Variants in CACNA1C observed in about 807,000 individuals in gnomAD.
CACNA1C encodes the protein calcium voltage-gated channel subunit alpha1 C.
Under a neutral mutation model 229.0 loss-of-function variants are expected in CACNA1C, and 30 were observed. The ratio of observed to expected loss-of-function variants is 0.13; its 90% confidence interval spans 0.10 to 0.18. The LOEUF (loss-of-function observed/expected upper bound fraction) is 0.18. Ranked by LOEUF, CACNA1C falls within the 10% of genes least tolerant of loss-of-function variation. CACNA1C has a pLI of 1.00. For synonymous variants in CACNA1C, 1,114 were observed against 1,132.5 expected (o/e 0.98, Z 0.33); for missense variants, 1,658 against 2,845.0 (o/e 0.58, Z 9.49).
At chr12:2,540,667 C>T (rs1043841440) in intron 9 of CACNA1C, among the ~76,000 whole-genome samples, 2 of 152,110 alleles carry the variant, frequency 1.3e-5, no homozygotes, top group African/African-American at 4.8e-5. Context: ...CCCTGGAATA[C>T]GTGCAGGAGG....
chr12:2,341,309 ACTTGGT>A, intron 3 of CACNA1C, among the ~76,000 whole-genome samples: 1 of 152,232 alleles, frequency 6.6e-6, no homozygotes, highest in South Asian at 2.1e-4. Flanking sequence ...CGAGCTTGGC[ACTTGGT>A]CATTGTTTTC....
intron 13 of CACNA1C, among the ~76,000 whole-genome samples, chr12:2,572,191 G>A (rs1329231100): frequency 6.6e-6 from 1 of 152,026 alleles, no homozygotes; most frequent in Non-Finnish European, 1.5e-5. Flanking sequence ...TCCAATGACC[G>A]ACCTCACTTG....
intron 4 of CACNA1C, among the ~76,000 whole-genome samples, chr12:2,450,460 A>C (rs927478427): frequency 6.9e-6 from 1 of 144,526 alleles, no homozygotes; most frequent in Non-Finnish European, 1.5e-5. Context: ...AGGCTGAGGC[A>C]GGAGAATGGC....
chr12:2,421,348 G>A (rs933688334), intron 3 of CACNA1C, among the ~76,000 whole-genome samples: 4 of 152,200 alleles, frequency 2.6e-5, no homozygotes, highest in African/African-American at 4.8e-5. Context: ...AAGCAAACTG[G>A]AGTCAATGAG....
intron 3 of CACNA1C, among the ~76,000 whole-genome samples, chr12:2,351,544 TCTC>T (rs995898189): frequency 2.0e-4 from 30 of 152,218 alleles, no homozygotes; most frequent in African/African-American, 7.2e-4. Flanking sequence ...CTGTCCTTCC[TCTC>T]CTCAAGGGTG....
In CACNA1C at chr12:2,677,416, G is replaced by A. The variant is rs527436363; in HGVS notation, c.4956+195G>A. 216 of 641,276 alleles carry A rather than the reference G, an allele frequency of 3.4e-4. No individual in the cohort carries two copies. The African/African-American group carries it at 3.5e-3, about 10-fold the overall frequency. The allele number at this position is 641,276 out of a possible 1,614,324, so 39.7% of individuals were successfully genotyped here. A position where few individuals can be genotyped will look rare whatever the true frequency, so the allele number is the denominator to read the frequency against. ...TGCCCTTCCCTACCTGCCACCCACC[G>A]ACTGCCCTCCATGGTTCTGCCTGCT... On this transcript the variant is annotated intron_variant, in intron 40 of 46. Coordinates refer to ENST00000399655, the MANE Select transcript of CACNA1C (RefSeq NM_000719.7). The surrounding 1 kb of genome is among the most constrained non-coding windows in gnomAD (Gnocchi z 7.4).
At chr12:2,367,966 A>G (rs2097765596) in intron 3 of CACNA1C, among the ~76,000 whole-genome samples, 1 of 152,200 alleles carries the variant, frequency 6.6e-6, no homozygotes. Context: ...CACAGATGAA[A>G]AAAGAAAAAT....
chr12:2,033,748 CAT>C (rs2048627483), intron 1 of CACNA1C, among the ~76,000 whole-genome samples: 1 of 152,222 alleles, frequency 6.6e-6, no homozygotes, highest in Admixed American at 6.5e-5. Flanking sequence ...GTGAGAATAA[CAT>C]AGTCAAAATG....
chr12:2,671,405 T>A (rs959785932), intron 38 of CACNA1C, among the ~76,000 whole-genome samples: 5 of 152,130 alleles, frequency 3.3e-5, no homozygotes, highest in African/African-American at 7.2e-5. Flanking sequence ...TTATCATGAG[T>A]AGAAAGATCA....
rs745907736 is a variant in CACNA1C at position 2,152,419 on chromosome 12, C to G, written c.477+31989C>G. Among the ~76,000 whole-genome samples, 1 of 152,234 alleles carries G rather than the reference C, an allele frequency of 6.6e-6. No individual in the cohort carries two copies. The highest frequency in any genetic ancestry group is 2.4e-5 in the African/African-American group (1 of 41,456). ...GCCCTTGAAGGCAAAGTCATGCCTG[C>G]CCTTTCCCTTTCTCCCTCTGCAGGC... On this transcript the variant is annotated intron_variant, in intron 3 of 46. Coordinates refer to ENST00000399655, the MANE Select transcript of CACNA1C (RefSeq NM_000719.7). This position sits in a 1 kb window ranked among gnomAD's most constrained non-coding sequence, Gnocchi z 4.2.
intron 5 of CACNA1C, among the ~76,000 whole-genome samples, chr12:2,464,009 G>A (rs1045108035): frequency 6.6e-6 from 1 of 152,142 alleles, no homozygotes; most frequent in Non-Finnish European, 1.5e-5. Context: ...ATTTGCTTGT[G>A]AAGCAGTAAG....
At chr12:2,300,004 CAGAT>C (rs1449808623) in intron 3 of CACNA1C, among the ~76,000 whole-genome samples, 1 of 152,170 alleles carries the variant, frequency 6.6e-6, no homozygotes, top group Non-Finnish European at 1.5e-5. Flanking sequence ...TTTTGTAACT[CAGAT>C]AGAAGCTACA....
rs563896147 is a variant in CACNA1C at position 2,143,514 on chromosome 12, ATACT to A, written c.477+23088_477+23091del. Among the ~76,000 whole-genome samples, 127 of 151,222 alleles carry A rather than the reference ATACT, an allele frequency of 8.4e-4. 2 individuals carry two copies. The highest frequency in any genetic ancestry group is 2.8e-3 in the African/African-American group (116 of 41,442). On this transcript the variant is annotated intron_variant, in intron 3 of 46. Transcript: ENST00000399655. Reference sequence around the variant, plus strand: ...TGTTTAGACATGTTTAGATACACAAATACTTACCATTGTGCGACAGTTGCTACAG... The same window carrying A: ...TGTTTAGACATGTTTAGATACACAAATACCATTGTGCGACAGTTGCTACAG...
At chr12:2,430,174 T>C in intron 3 of CACNA1C, among the ~76,000 whole-genome samples, 1 of 152,168 alleles carries the variant, frequency 6.6e-6, no homozygotes, top group East Asian at 1.9e-4. Context: ...CATGAGGCCT[T>C]CTGCCCTCAT....
chr12:2,207,338 G>A (rs758818301), intron 3 of CACNA1C, among the ~76,000 whole-genome samples: 6 of 152,312 alleles, frequency 3.9e-5, no homozygotes, highest in South Asian at 4.1e-4. Flanking sequence ...CACATTAAGC[G>A]GAGAGGTCAG....
chr12:2,299,382 G>T (rs2094373967), intron 3 of CACNA1C, among the ~76,000 whole-genome samples: 1 of 152,182 alleles, frequency 6.6e-6, no homozygotes, highest in East Asian at 1.9e-4. Context: ...TGGGAGGCAG[G>T]TAGGAGGGAG....
In CACNA1C at chr12:2,651,835, G is replaced by T. The variant is rs2095019427; in HGVS notation, c.4074+67G>T. Reference sequence around the variant, plus strand: ...CTGCCGCGTGGCCCAGAACACAGCTGACACAAGGAGGAGCCCTCCACTCTG... The same window carrying T: ...CTGCCGCGTGGCCCAGAACACAGCTTACACAAGGAGGAGCCCTCCACTCTG... On this transcript the variant is annotated intron_variant, in intron 32 of 46. Coordinates refer to ENST00000399655, the MANE Select transcript of CACNA1C (RefSeq NM_000719.7). This position sits in a 1 kb window ranked among gnomAD's most constrained non-coding sequence, Gnocchi z 5.4. The T allele has an allele frequency of 3.1e-6, 4 of 1,308,282 alleles. No homozygotes were observed. The East Asian group carries it at 9.8e-5, about 32-fold the overall frequency. The allele number at this position is 1,308,282 out of a possible 1,614,324, so 81.0% of individuals were successfully genotyped here.
chr12:2,624,787 C>A (rs369371579), intron 29 of CACNA1C, among the ~76,000 whole-genome samples: 1 of 152,208 alleles, frequency 6.6e-6, no homozygotes, highest in African/African-American at 2.4e-5. Context: ...TAGATGAAAC[C>A]TGTTTATCCA....
Position 2,677,213 on chromosome 12 carries a change from T to A in CACNA1C, c.4948T>A (p.Ser1650Thr). 6.2e-7 allele frequency: 1 copy of A among 1,613,618 alleles called. No individual in the cohort carries two copies. Among genetic ancestry groups the A allele is most frequent in the Non-Finnish European group, 8.5e-7 (1 of 1,179,762 alleles). The change falls in exon 40 of 47, where the codon TCT becomes ACT. Residue 1650 changes from serine (S) to threonine (T), a missense_variant. By Grantham distance (58) the Ser-to-Thr change is moderately conservative (BLOSUM62 1). Transcript: ENST00000399655. The surrounding 1 kb of genome is among the most constrained non-coding windows in gnomAD (Gnocchi z 7.4). ...CAAGCCCTCCCAGAGGAACGCGCTG[T>A]CTCTGCAGGTGAGGGCCTGGGGGCG... ...VGKPSQRNAL[S>T]LQAGLRTLHD... is the part of the protein sequence containing the mutation.
Sources: gnomAD v4.1 joint callset for allele counts (sites outside exome capture counted in the v4.1 genomes callset) on GRCh38, gnomAD v4.1.1 for gene constraint, Gnocchi (gnomAD v3.1) non-coding constraint, MANE v1.5 for transcripts, NCBI Gene and HGNC (gene_info 2026-07-23, HGNC 2026-07-21) for gene names.